FTCDNL1: variants seen among roughly 807,000 people sequenced by gnomAD.
FTCDNL1 encodes formiminotransferase N-terminal subdomain-containing protein.
FTCDNL1 carries 11 observed loss-of-function variants against 5.9 expected under a neutral mutation model. That is an observed-to-expected ratio of 1.87 (90% CI 1.18 to 3.10). FTCDNL1 has a LOEUF of 3.10. Among genes scored for constraint, FTCDNL1 ranks in the 30% most tolerant of loss-of-function variants. The probability of loss-of-function intolerance (pLI) is 0.00; values close to 1 mark genes in which losing one functional copy is unlikely to be tolerated. For missense variants in FTCDNL1, 115 were observed against 65.5 expected, an observed-to-expected ratio of 1.76 and a Z score of -2.61; for synonymous variants, 58 against 24.8, an observed-to-expected ratio of 2.34 and a Z score of -3.99.
At chr2:199,694,670 TA>T in the FTCDNL1 span, among the ~76,000 whole-genome samples, 1 of 151,704 alleles carries the variant, frequency 6.6e-6, no homozygotes, top group Non-Finnish European at 1.5e-5. Flanking sequence ...TGCAAAAAAA[TA>T]AAAAATTAAA....
the FTCDNL1 span, among the ~76,000 whole-genome samples, chr2:199,754,497 G>A: frequency 6.6e-6 from 1 of 152,114 alleles, no homozygotes; most frequent in African/African-American, 2.4e-5. Context: ...AACACCAGGA[G>A]GCCACCACAC....
downstream of FTCDNL1, among the ~76,000 whole-genome samples, chr2:199,755,929 G>A (rs529104959): frequency 1.9e-4 from 29 of 152,310 alleles, no homozygotes; most frequent in African/African-American, 6.5e-4. Context: ...TACAGAATAA[G>A]AGGGCTCTCT....
chr2:199,802,880 G>A (rs903521922), intron 3 of FTCDNL1, among the ~76,000 whole-genome samples: 5 of 152,036 alleles, frequency 3.3e-5, no homozygotes, highest in African/African-American at 1.2e-4. Context: ...GTTCTTTCAG[G>A]TACAAAAAGG....
chr2:199,776,958 A>ATGTGTGTGTGTG (rs56145074), intron 3 of FTCDNL1, among the ~76,000 whole-genome samples: 12 of 136,140 alleles, frequency 8.8e-5, no homozygotes, highest in African/African-American at 3.1e-4. Flanking sequence ...ATGTGTGTAT[A>ATGTGTGTGTGTG]TGTGTGTGTG....
intron 3 of FTCDNL1, among the ~76,000 whole-genome samples, chr2:199,790,231 C>T (rs1032262567): frequency 6.6e-6 from 1 of 152,050 alleles, no homozygotes; most frequent in Non-Finnish European, 1.5e-5. Flanking sequence ...GGCGCGGTGA[C>T]TCATGCCTGT....
chr2:199,841,197 A>T (rs527344843), intron 3 of FTCDNL1, among the ~76,000 whole-genome samples: 2 of 151,968 alleles, frequency 1.3e-5, no homozygotes, highest in South Asian at 4.2e-4. Flanking sequence ...AATGGGATGT[A>T]GCCTAATAGA....
chr2:199,735,084 G>A, the FTCDNL1 span, among the ~76,000 whole-genome samples: 3 of 102,626 alleles, frequency 2.9e-5, no homozygotes, highest in Non-Finnish European at 5.5e-5. Context: ...TAAACCCCCT[G>A]ATAGTCAAAC....
the FTCDNL1 span, among the ~76,000 whole-genome samples, chr2:199,722,555 A>G: frequency 3.3e-5 from 5 of 152,118 alleles, no homozygotes; most frequent in African/African-American, 1.2e-4. Flanking sequence ...GTTGGGTAGC[A>G]TGATGCCTCC....
At position 199,838,503 on chromosome 2, in the gene FTCDNL1, C is replaced by T. The variant is rs111865269; in HGVS notation, c.211+7572G>A. Among the ~76,000 whole-genome samples, 540 of 152,304 alleles carry T rather than the reference C, an allele frequency of 3.5e-3. 4 individuals are homozygous for T. Among genetic ancestry groups the T allele is most frequent in the African/African-American group, 0.012 (500 of 41,570 alleles). Reference sequence around the variant, plus strand: ...CCAACAGAAATAAAGAGGAGGCAATCGCACTGGAAGCTGCAGAGAAAATGT... The same window carrying T: ...CCAACAGAAATAAAGAGGAGGCAATTGCACTGGAAGCTGCAGAGAAAATGT... On this transcript the variant is annotated intron_variant, in intron 3 of 4. Coordinates refer to ENST00000420128, the MANE Select transcript of FTCDNL1 (RefSeq NM_001363886.2).
At chr2:199,830,218 A>C (rs934897052) in intron 3 of FTCDNL1, among the ~76,000 whole-genome samples, 1 of 152,172 alleles carries the variant, frequency 6.6e-6, no homozygotes, top group Non-Finnish European at 1.5e-5. Context: ...GGAAGTAATA[A>C]AAATTTCAGA....
intron 4 of FTCDNL1, among the ~76,000 whole-genome samples, chr2:199,814,886 A>C (rs1457734533): frequency 3.3e-5 from 5 of 152,182 alleles, no homozygotes; most frequent in African/African-American, 1.2e-4. Flanking sequence ...TTTCTTATTT[A>C]TAGTAGAAAG....
the FTCDNL1 span, among the ~76,000 whole-genome samples, chr2:199,726,056 C>T: frequency 6.6e-6 from 1 of 151,780 alleles, no homozygotes; most frequent in South Asian, 2.1e-4. Flanking sequence ...TTATATAATC[C>T]CATAATTCTC....
intron 3 of FTCDNL1, among the ~76,000 whole-genome samples, chr2:199,801,239 A>G (rs1700429664): frequency 6.6e-6 from 1 of 152,164 alleles, no homozygotes; most frequent in Non-Finnish European, 1.5e-5. Context: ...CACGGATGTG[A>G]CTATGAACCA....
chr2:199,835,790 A>G (rs1453710188), intron 3 of FTCDNL1, among the ~76,000 whole-genome samples: 1 of 152,206 alleles, frequency 6.6e-6, no homozygotes, highest in Non-Finnish European at 1.5e-5. Flanking sequence ...ACAATCTCTA[A>G]AACACTATCA....
intron 3 of FTCDNL1, among the ~76,000 whole-genome samples, chr2:199,826,801 A>G (rs965773884): frequency 6.6e-6 from 1 of 152,222 alleles, no homozygotes; most frequent in African/African-American, 2.4e-5. Flanking sequence ...CTCAAAAAAC[A>G]ATAAATAATA....
chr2:199,679,567 T>A, the FTCDNL1 span, among the ~76,000 whole-genome samples: 1 of 152,160 alleles, frequency 6.6e-6, no homozygotes, highest in Non-Finnish European at 1.5e-5. Flanking sequence ...CCTGTGTTTT[T>A]CTCTATGATT....
intron 3 of FTCDNL1, among the ~76,000 whole-genome samples, chr2:199,823,004 C>A (rs542352936): frequency 1.3e-4 from 20 of 152,276 alleles, no homozygotes; most frequent in Non-Finnish European, 2.1e-4. Flanking sequence ...GTGTGTTCCA[C>A]CACTCCTAGC....
At chr2:199,832,069 T>A (rs996227869) in intron 3 of FTCDNL1, among the ~76,000 whole-genome samples, 3 of 152,196 alleles carry the variant, frequency 2.0e-5, no homozygotes, top group Admixed American at 2.0e-4. Flanking sequence ...ATTTTACATA[T>A]ATATTTCATA....
chr2:199,786,508 T>G (rs1280343841), intron 3 of FTCDNL1, among the ~76,000 whole-genome samples: 1 of 152,142 alleles, frequency 6.6e-6, no homozygotes, highest in Non-Finnish European at 1.5e-5. Flanking sequence ...TATTTTTTCT[T>G]ATTTAGGAGT....
Sources: gnomAD v4.1 joint callset for allele counts (sites outside exome capture counted in the v4.1 genomes callset) on GRCh38, gnomAD v4.1.1 for gene constraint, MANE v1.5 for transcripts, NCBI Gene and HGNC (gene_info 2026-07-23, HGNC 2026-07-21) for gene names.